NKIRAS1: variants seen among roughly 807,000 people sequenced by gnomAD.
The protein encoded by NKIRAS1 is NF-kappa-B inhibitor-interacting Ras-like protein 1.
Under a neutral mutation model 19.8 loss-of-function variants are expected in NKIRAS1, and 16 were observed. The ratio of observed to expected loss-of-function variants is 0.81; its 90% CI spans 0.55 to 1.23. NKIRAS1 has a LOEUF of 1.23. Ranked by LOEUF, NKIRAS1 falls within the 50% of genes most tolerant of loss-of-function variation. The pLI, the probability that NKIRAS1 is intolerant of heterozygous loss-of-function variation, is 0.00. For missense variants in NKIRAS1, 184 were observed against 220.0 expected, an observed-to-expected ratio of 0.84 and a Z score of 1.04; for synonymous variants, 88 against 79.0, an observed-to-expected ratio of 1.11 and a Z score of -0.61.
Position 23,890,777 on chromosome 3 carries a change from G to A in NKIRAS1, c.*2318C>T. 5.7e-6 allele frequency: 3 copies of A among 528,400 alleles called. No individual in the cohort carries two copies. The highest frequency in any genetic ancestry group is 3.1e-6 in the Non-Finnish European group (1 of 321,500). The allele number at this position is 528,400 out of a possible 1,614,324, so 32.7% of individuals were successfully genotyped here. A position where few individuals can be genotyped will look rare whatever the true frequency, so the allele number is the denominator to read the frequency against. On this transcript the variant is annotated 3_prime_UTR_variant, in exon 5 of 5. Transcript: ENST00000425478. ...TTGTAACTTAAGGTATCTTGCTACA[G>A]TAGACAGAATTGGTAATAGCAACTT...
At position 23,890,287 on chromosome 3, in the gene NKIRAS1, A is replaced by G. The variant is rs932177748; in HGVS notation, c.*2808T>C. Among the ~76,000 whole-genome samples the G allele has an allele frequency of 1.3e-5, 2 of 152,128 alleles. No homozygotes were observed. Among genetic ancestry groups the G allele is most frequent in the Non-Finnish European group, 2.9e-5 (2 of 68,020 alleles). ...GAGAAAAATGGAATGAACTAAGATA[A>G]AGACAGACCAGTACACTAAAGCCTA... On this transcript the variant is annotated 3_prime_UTR_variant, in exon 5 of 5. Coordinates refer to ENST00000425478, the MANE Select transcript of NKIRAS1 (RefSeq NM_020345.4).
At chr3:23,901,925 T>C (rs1340481427) in intron 3 of NKIRAS1, among the ~76,000 whole-genome samples, 1 of 152,094 alleles carries the variant, frequency 6.6e-6, no homozygotes, top group African/African-American at 2.4e-5. Context: ...ATACAAAAAT[T>C]CGCTGGGTGT....
At chr3:23,910,254 T>G (rs1287761938) in intron 3 of NKIRAS1, among the ~76,000 whole-genome samples, 1 of 149,540 alleles carries the variant, frequency 6.7e-6, no homozygotes, top group East Asian at 2.0e-4. Flanking sequence ...GCCTCCCAGG[T>G]TCAAGAGATT....
At chr3:23,905,018 G>A (rs941564266) in intron 3 of NKIRAS1, among the ~76,000 whole-genome samples, 4 of 152,062 alleles carry the variant, frequency 2.6e-5, no homozygotes. Context: ...AAATAGAGAT[G>A]GGGTCTCCTG....
At chr3:23,919,792 C>T (rs1575122302), upstream of NKIRAS1, 1 of 1,101,280 alleles carries the variant, frequency 9.1e-7, no homozygotes, top group Non-Finnish European at 1.1e-6. Flanking sequence ...AAGGAGAGAA[C>T]TGAAACTAGC....
intron 3 of NKIRAS1, among the ~76,000 whole-genome samples, chr3:23,910,566 C>T (rs1259213371): frequency 6.6e-6 from 1 of 152,094 alleles, no homozygotes; most frequent in African/African-American, 2.4e-5. Context: ...AATATATATC[C>T]ATATTGATCT....
At position 23,945,535 on chromosome 3, in the gene NKIRAS1, C is replaced by G. The variant is rs1372817104; in HGVS notation, c.-140+788G>C. 3.5e-6 allele frequency: 4 copies of G among 1,135,714 alleles called. No individual in the cohort carries two copies. In the South Asian group the frequency reaches 1.3e-4, roughly 37 times the overall value. The allele number at this position is 1,135,714 out of a possible 1,614,324, so 70.4% of individuals were successfully genotyped here. On this transcript the variant is annotated intron_variant, in intron 1 of 4. Coordinates refer to the NKIRAS1 transcript ENST00000421515. ...GAGGCGGCGGCGGCGGCGCTGCCCCCTCTGCGGGAAGCGGGCGGCCCCGGC... is the reference window on the plus strand; with the variant it reads ...GAGGCGGCGGCGGCGGCGCTGCCCCGTCTGCGGGAAGCGGGCGGCCCCGGC...
chr3:23,895,130 G>C (rs1701855984), intron 4 of NKIRAS1, among the ~76,000 whole-genome samples: 1 of 152,096 alleles, frequency 6.6e-6, no homozygotes, highest in African/African-American at 2.4e-5. Context: ...TTGCAGCCTT[G>C]ATCTTCTGGG....
intron 1 of NKIRAS1, among the ~76,000 whole-genome samples, chr3:23,940,866 C>T (rs1345603965): frequency 6.6e-6 from 1 of 152,216 alleles, no homozygotes; most frequent in Non-Finnish European, 1.5e-5. Flanking sequence ...TGAACGGCAA[C>T]TGCAATTTGC....
At chr3:23,941,003 T>C (rs899324418) in intron 1 of NKIRAS1, among the ~76,000 whole-genome samples, 2 of 152,234 alleles carry the variant, frequency 1.3e-5, no homozygotes, top group African/African-American at 4.8e-5. Context: ...TAGATCTTGA[T>C]ATAGTCCACA....
At chr3:23,916,450 A>C (rs2125444343) in intron 1 of NKIRAS1, 1 of 152,354 alleles carries the variant, frequency 6.6e-6, no homozygotes, top group South Asian at 2.1e-4. Flanking sequence ...CAAATTTGGG[A>C]CGAAATCCGT....
intron 1 of NKIRAS1, among the ~76,000 whole-genome samples, chr3:23,913,628 CTTAGA>C (rs1703998787): frequency 6.6e-6 from 1 of 152,194 alleles, no homozygotes. Flanking sequence ...GGTTCTCATG[CTTAGA>C]TATTTTCAGA....
At chr3:23,945,999 C>G (rs1705679944) in intron 1 of NKIRAS1, 1 of 639,304 alleles carries the variant, frequency 1.6e-6, no homozygotes, top group African/African-American at 2.0e-5. Flanking sequence ...GACCCACATT[C>G]CCCGGGGCCG....
chr3:23,934,407 T>C (rs756213011), intron 1 of NKIRAS1, among the ~76,000 whole-genome samples: 2 of 152,236 alleles, frequency 1.3e-5, no homozygotes, highest in Non-Finnish European at 2.9e-5. Flanking sequence ...GTCATAATGA[T>C]ATGTCTCTTG....
upstream of NKIRAS1, chr3:23,918,791 C>A: frequency 3.3e-6 from 2 of 610,278 alleles, no homozygotes; most frequent in African/African-American, 1.8e-5. Flanking sequence ...GGAACCTAAG[C>A]TTTAAAGCGG....
chr3:23,893,074 A>G lies in NKIRAS1; in HGVS notation c.*21T>C, dbSNP rs748368419. The G allele has an allele frequency of 3.3e-6, 5 of 1,535,402 alleles. No homozygotes were observed. In the East Asian group the frequency reaches 6.8e-5, roughly 21 times the overall value. Reference sequence around the variant, plus strand: ...TAAAGGCAATCACTATTCAACATACAATTGTGGAAATTACTGATTTTTAGT... The same window carrying G: ...TAAAGGCAATCACTATTCAACATACGATTGTGGAAATTACTGATTTTTAGT... On this transcript the variant is annotated 3_prime_UTR_variant, in exon 5 of 5. Transcript: ENST00000425478.
intron 1 of NKIRAS1, among the ~76,000 whole-genome samples, chr3:23,945,825 GC>G (rs1322741933): frequency 7.3e-5 from 11 of 149,750 alleles, no homozygotes; most frequent in South Asian, 6.3e-4. Context: ...GCCCGGCCCG[GC>G]CCCCCCCTCA....
At chr3:23,943,233 C>T (rs1705541099) in intron 1 of NKIRAS1, among the ~76,000 whole-genome samples, 1 of 152,122 alleles carries the variant, frequency 6.6e-6, no homozygotes, top group African/African-American at 2.4e-5. Flanking sequence ...CCAGTTTTGC[C>T]TTTTCTTCCT....
chr3:23,938,435 C>A (rs1192803632), intron 1 of NKIRAS1, among the ~76,000 whole-genome samples: 1 of 152,096 alleles, frequency 6.6e-6, no homozygotes, highest in Non-Finnish European at 1.5e-5. Context: ...TGGTCTTGAA[C>A]CCTTGGGCTT....
Sources: gnomAD v4.1 joint callset for allele counts (sites outside exome capture counted in the v4.1 genomes callset) on GRCh38, gnomAD v4.1.1 for gene constraint, MANE v1.5 for transcripts, NCBI Gene and HGNC (gene_info 2026-07-23, HGNC 2026-07-21) for gene names.